GIGYF2: variants seen among roughly 807,000 people sequenced by gnomAD.
GIGYF2 encodes the protein GRB10-interacting GYF protein 2.
Under a neutral mutation model 208.1 loss-of-function variants are expected in GIGYF2, and 25 were observed. The observed-to-expected ratio is 0.12, with a 90% CI of 0.09 to 0.17. The LOEUF (loss-of-function observed/expected upper bound fraction) is 0.17, where lower values mean the gene tolerates loss of function less well. Ranked by LOEUF, GIGYF2 falls within the 10% of genes least tolerant of loss-of-function variation. The pLI, the probability that GIGYF2 is intolerant of heterozygous loss-of-function variation, is 1.00. For missense variants in GIGYF2, 1,302 were observed against 1,579.4 expected (o/e 0.82, Z 2.98); for synonymous variants, 534 against 543.8 (o/e 0.98, Z 0.25).
chr2:232,837,365 A>G (rs1188105092), intron 22 of GIGYF2, among the ~76,000 whole-genome samples: 1 of 152,228 alleles, frequency 6.6e-6, no homozygotes, highest in African/African-American at 2.4e-5. Context: ...TTTAAGTATC[A>G]CCAACTCTTG....
chr2:232,763,719 A>G (rs1182719797), intron 8 of GIGYF2, among the ~76,000 whole-genome samples: 1 of 151,854 alleles, frequency 6.6e-6, no homozygotes, highest in Non-Finnish European at 1.5e-5. Context: ...ACTTCCAGCT[A>G]CTGAGGGAGA....
intron 3 of GIGYF2, chr2:232,736,558 A>G (rs1183769297): frequency 2.0e-5 from 3 of 152,202 alleles, no homozygotes; most frequent in Non-Finnish European, 2.9e-5. Flanking sequence ...GTTGCATTGT[A>G]TGGATGTACC....
intron 8 of GIGYF2, chr2:232,767,988 A>C (rs1699043130): frequency 1.7e-6 from 1 of 579,932 alleles, no homozygotes; most frequent in African/African-American, 1.9e-5. Flanking sequence ...TGATTTCAGC[A>C]GGTAACAAAC....
chr2:232,817,191 A>G (rs906521659), intron 20 of GIGYF2, among the ~76,000 whole-genome samples, 159 bp downstream of exon 20: 10 of 152,158 alleles, frequency 6.6e-5, no homozygotes, highest in Admixed American at 2.0e-4. Flanking sequence ...TTTTTCACCA[A>G]CACCCACTGT....
At chr2:232,737,352 C>T (rs1474697832) in intron 3 of GIGYF2, among the ~76,000 whole-genome samples, 2 of 152,178 alleles carry the variant, frequency 1.3e-5, no homozygotes, top group African/African-American at 4.8e-5. Flanking sequence ...AAACAGAGGG[C>T]AATCACCATT....
chr2:232,739,881 C>T (rs1255716170), intron 3 of GIGYF2, among the ~76,000 whole-genome samples: 1 of 146,034 alleles, frequency 6.8e-6, no homozygotes, highest in South Asian at 2.2e-4. Context: ...GGGTGGATCA[C>T]TTGAGGTCAA....
At chr2:232,818,383 T>C (rs558619847) in intron 20 of GIGYF2, among the ~76,000 whole-genome samples, 2 of 152,280 alleles carry the variant, frequency 1.3e-5, no homozygotes, top group African/African-American at 2.4e-5. Context: ...CCCTAGAAAG[T>C]AGGTTTTCAT....
At chr2:232,724,869 C>T (rs1487263567) in intron 2 of GIGYF2, among the ~76,000 whole-genome samples, 1 of 152,110 alleles carries the variant, frequency 6.6e-6, no homozygotes, top group Non-Finnish European at 1.5e-5. Flanking sequence ...TTGAAACTTT[C>T]AAATACTTCC....
chr2:232,788,831 A>G (rs1159245574), intron 9 of GIGYF2, among the ~76,000 whole-genome samples: 1 of 151,952 alleles, frequency 6.6e-6, no homozygotes, highest in African/African-American at 2.4e-5. Flanking sequence ...TTTTTCAGTC[A>G]CACCTGTGGC....
At chr2:232,799,968 T>C (rs1404467606) in intron 14 of GIGYF2, among the ~76,000 whole-genome samples, 1 of 152,038 alleles carries the variant, frequency 6.6e-6, no homozygotes, top group East Asian at 1.9e-4. Flanking sequence ...TTTTTTTTAA[T>C]TGGGTTGTTA....
At chr2:232,708,100 A>G (rs954973140) in intron 2 of GIGYF2, among the ~76,000 whole-genome samples, 1 of 152,092 alleles carries the variant, frequency 6.6e-6, no homozygotes, top group African/African-American at 2.4e-5. Flanking sequence ...GTATAGGAGT[A>G]CAGGCATACA....
At chr2:232,761,287 T>C (rs1559410112) in intron 7 of GIGYF2, 109 bp from the exon 8 acceptor site, 6 of 729,532 alleles carry the variant, frequency 8.2e-6, no homozygotes, top group Middle Eastern at 2.4e-4. Flanking sequence ...TTTATTTGTT[T>C]TGTAATTTGA....
chr2:232,787,697 C>T (rs1196261580), intron 9 of GIGYF2, among the ~76,000 whole-genome samples: 1 of 152,132 alleles, frequency 6.6e-6, no homozygotes, highest in Non-Finnish European at 1.5e-5. Flanking sequence ...ATGTGCTTCC[C>T]TCCCCAACAA....
chr2:232,717,632 T>A (rs1696749115), intron 2 of GIGYF2, among the ~76,000 whole-genome samples: 1 of 152,180 alleles, frequency 6.6e-6, no homozygotes, highest in African/African-American at 2.4e-5. Context: ...TGGCTCATGG[T>A]TCTGTAGGCG....
chr2:232,762,020 A>G (rs551715958), intron 8 of GIGYF2, among the ~76,000 whole-genome samples: 1 of 151,736 alleles, frequency 6.6e-6, no homozygotes, highest in East Asian at 1.9e-4. Flanking sequence ...TTTATATTTA[A>G]AGAATTTATA....
At chr2:232,714,918 C>A (rs1486651125) in intron 2 of GIGYF2, among the ~76,000 whole-genome samples, 1 of 152,064 alleles carries the variant, frequency 6.6e-6, no homozygotes, top group Non-Finnish European at 1.5e-5. Flanking sequence ...TCCCGATCCT[C>A]TCCCTTCTCC....
At chr2:232,773,329 A>G (rs1049469501) in intron 8 of GIGYF2, among the ~76,000 whole-genome samples, 3 of 152,228 alleles carry the variant, frequency 2.0e-5, no homozygotes, top group Non-Finnish European at 4.4e-5. Flanking sequence ...ATTCTTCAGT[A>G]TCTCAACAAG....
chr2:232,717,924 A>G (rs902212984), intron 2 of GIGYF2, among the ~76,000 whole-genome samples: 1 of 152,098 alleles, frequency 6.6e-6, no homozygotes, highest in African/African-American at 2.4e-5. Flanking sequence ...TCAGATTTCA[A>G]CATGAGATTT....
intron 21 of GIGYF2, among the ~76,000 whole-genome samples, chr2:232,825,478 A>G (rs1701218489): frequency 6.6e-6 from 1 of 152,228 alleles, no homozygotes; most frequent in Non-Finnish European, 1.5e-5. Context: ...CAAGAGAACT[A>G]GAATTCAGAA....
Sources: gnomAD v4.1 joint callset for allele counts (sites outside exome capture counted in the v4.1 genomes callset) on GRCh38, gnomAD v4.1.1 for gene constraint, MANE v1.5 for transcripts, NCBI Gene and HGNC (gene_info 2026-07-23, HGNC 2026-07-21) for gene names.